Variants in EDA2R observed in about 807,000 individuals in gnomAD.
EDA2R encodes ectodysplasin A2 receptor.
EDA2R carries 26 observed loss-of-function variants against 20.1 expected under a neutral mutation model. The ratio of observed to expected loss-of-function variants is 1.30; its 90% CI spans 0.95 to 1.80. The LOEUF is 1.80. EDA2R is among the 40% of genes most tolerant of loss of function. The pLI is 0.00. For missense variants in EDA2R, 277 were observed against 228.7 expected (o/e 1.21, Z -1.36); for synonymous variants, 114 against 88.7 (o/e 1.29, Z -1.60).
In EDA2R at chrX:66,599,581, G is replaced by A. The variant is rs1256480611; in HGVS notation, c.797C>T (p.Ala266Val). The change falls in exon 6 of 7, where the codon GCC (alanine) becomes GTC (valine). Residue 266 changes from alanine (A) to valine (V), a missense_variant. Transcript: ENST00000374719. ...CAAGGTCTCAGCTCCAGTATAGGAG[G>A]CAGAGCTGGAAAACTTTTGCAGGTC... is the stretch of plus-strand genomic sequence containing the variant. ...ELDLQKFSSS[A>V]SYTGAETLGG... 4 of 1,193,284 alleles carry A rather than the reference G, an allele frequency of 3.4e-6. No individual in the cohort carries two copies. The highest frequency in any genetic ancestry group is 1.8e-5 in the African/African-American group (1 of 56,652).
chrX:66,630,713 G>A (rs750081117), intron 1 of EDA2R, among the ~76,000 whole-genome samples: 3 of 109,620 alleles, frequency 2.7e-5, no homozygotes, highest in Non-Finnish European at 3.8e-5. Context: ...TGTGGATGTC[G>A]TGAACAGGCA....
intron 2 of EDA2R, among the ~76,000 whole-genome samples, chrX:66,606,971 A>T (rs1289180146): frequency 8.9e-6 from 1 of 112,389 alleles, no homozygotes. Flanking sequence ...AAACCACAAT[A>T]CCTAGGGCAA....
chrX:66,605,338 C>T (rs1929480472), intron 2 of EDA2R, 112 bp from the exon 3 acceptor site: 2 of 645,535 alleles, frequency 3.1e-6, no homozygotes, highest in Non-Finnish European at 4.4e-6. Flanking sequence ...AACCCCATTA[C>T]TAAGTCATAA....
chrX:66,619,247 G>T (rs1295435784), intron 1 of EDA2R, among the ~76,000 whole-genome samples: 1 of 111,641 alleles, frequency 9.0e-6, no homozygotes, highest in South Asian at 3.8e-4. Flanking sequence ...TTAAGGAAAA[G>T]ATTCTCCAAG....
At chrX:66,624,703 A>G (rs1932895337) in intron 1 of EDA2R, among the ~76,000 whole-genome samples, 1 of 111,070 alleles carries the variant, frequency 9.0e-6, no homozygotes, top group African/African-American at 3.3e-5. Flanking sequence ...GGAGGTTTGC[A>G]TCGTGCATTT....
At chrX:66,601,304 C>T (rs1464320950) in intron 5 of EDA2R, among the ~76,000 whole-genome samples, 1 of 111,816 alleles carries the variant, frequency 8.9e-6, no homozygotes, top group Non-Finnish European at 1.9e-5. Flanking sequence ...TGTCCATGCA[C>T]CCAGGGCCTA....
intron 2 of EDA2R, among the ~76,000 whole-genome samples, chrX:66,614,628 G>A (rs888183352): frequency 1.8e-5 from 2 of 112,422 alleles, no homozygotes; most frequent in Non-Finnish European, 3.8e-5. Flanking sequence ...GGGACATAAT[G>A]CCATGTGTAA....
Position 66,599,619 on chromosome X carries a change from T to C in EDA2R, c.759A>G (p.Glu253=), listed in dbSNP as rs775437576. 8 of 1,202,627 alleles carry C rather than the reference T, an allele frequency of 6.7e-6. No individual in the cohort carries two copies. The Admixed American group carries it at 1.8e-4, about 27-fold the overall frequency. Residue 253 remains glutamate, a synonymous_variant, in exon 6 of 7, where the codon GAA becomes GAG. Coordinates refer to ENST00000374719, the MANE Select transcript of EDA2R (RefSeq NM_021783.5). ...SHSHWVHSPI[E]CTELDLQKFS... is the part of the protein sequence containing the mutation. ...ACTTTTGCAGGTCCAGCTCTGTGCA[T>C]TCGATGGGGCTGTGGACCCAGTGGG...
chrX:66,612,910 A>G (rs957247037), intron 2 of EDA2R, among the ~76,000 whole-genome samples: 1 of 111,506 alleles, frequency 9.0e-6, no homozygotes, highest in Admixed American at 9.5e-5. Flanking sequence ...TCAAATCATT[A>G]AGGTGCAAAA....
At chrX:66,637,377 C>A (rs1934432661) in intron 1 of EDA2R, among the ~76,000 whole-genome samples, 1 of 111,411 alleles carries the variant, frequency 9.0e-6, no homozygotes, top group Non-Finnish European at 1.9e-5. Context: ...TATTCCAATC[C>A]AGCTGACTAA....
At chrX:66,606,472 A>G (rs1446196905) in intron 2 of EDA2R, among the ~76,000 whole-genome samples, 1 of 111,922 alleles carries the variant, frequency 8.9e-6, no homozygotes, top group Non-Finnish European at 1.9e-5. Context: ...TAAATATATT[A>G]AGAATGATAG....
intron 1 of EDA2R, among the ~76,000 whole-genome samples, chrX:66,624,444 A>C (rs1390310567): frequency 1.8e-5 from 2 of 112,034 alleles, no homozygotes; most frequent in Non-Finnish European, 3.8e-5. Flanking sequence ...GCTTGAACCC[A>C]GGAGGCTGAG....
chrX:66,633,894 C>G (rs1934081874), intron 1 of EDA2R, among the ~76,000 whole-genome samples: 1 of 111,676 alleles, frequency 9.0e-6, no homozygotes, highest in Non-Finnish European at 1.9e-5. Context: ...GTCAAGTACT[C>G]CAATTTCTGA....
intron 2 of EDA2R, among the ~76,000 whole-genome samples, chrX:66,606,470 T>C (rs1929704798): frequency 9.0e-6 from 1 of 111,692 alleles, no homozygotes; most frequent in Admixed American, 9.5e-5. Context: ...AATAAATATA[T>C]TAAGAATGAT....
intron 1 of EDA2R, among the ~76,000 whole-genome samples, chrX:66,618,378 T>G (rs2147852080): frequency 2.7e-5 from 3 of 112,219 alleles, no homozygotes; most frequent in Non-Finnish European, 5.6e-5. Flanking sequence ...AAGTCAGACC[T>G]TATATGAATT....
At chrX:66,615,877 T>G in intron 2 of EDA2R, 57 bp downstream of exon 2, 2 of 1,022,084 alleles carry the variant, frequency 2.0e-6, no homozygotes, top group Non-Finnish European at 2.7e-6. Context: ...CTCTTTCAGT[T>G]GCCGGGCTGG....
intron 2 of EDA2R, among the ~76,000 whole-genome samples, chrX:66,615,691 C>A (rs997044206): frequency 1.8e-5 from 2 of 111,414 alleles, no homozygotes; most frequent in African/African-American, 3.3e-5. Context: ...TGGGTCTCTG[C>A]ATTACACATC....
chrX:66,600,159 C>T (rs1376169986), intron 5 of EDA2R: 1 of 854,605 alleles, frequency 1.2e-6, no homozygotes, highest in East Asian at 3.4e-5. Flanking sequence ...CCATAATCTT[C>T]ATGGCCTGGT....
Position 66,603,592 on chromosome X carries a change from T to TA in EDA2R, c.353-796dup, listed in dbSNP as rs952431840. 5.7e-4 allele frequency among the ~76,000 whole-genome samples: 62 copies of TA among 108,294 alleles called. No homozygotes were observed. In the East Asian group the frequency reaches 0.01, roughly 18 times the overall value. The allele number at this position is 108,294 out of a possible 115,157, so 94.0% of individuals were successfully genotyped here. A position where few individuals can be genotyped will look rare whatever the true frequency, so the allele number is the denominator to read the frequency against. On this transcript the variant is annotated intron_variant, in intron 4 of 6. Coordinates refer to ENST00000374719, the MANE Select transcript of EDA2R (RefSeq NM_021783.5). The stretch of plus-strand genomic sequence containing the variant: ...ATGATGTAGGAAGGCCTTTGCATAG[T>TA]AAAAAAAAAATAAACTTTTATTGTA...
Sources: allele counts gnomAD v4.1 joint callset (sites outside exome capture counted in the v4.1 genomes callset), GRCh38; gene constraint gnomAD v4.1.1; transcripts MANE v1.5; gene names NCBI Gene and HGNC (gene_info 2026-07-23, HGNC 2026-07-21).